GLCCI1: variants seen among roughly 807,000 people sequenced by gnomAD.
The protein encoded by GLCCI1 is glucocorticoid induced 1, also known as glucocorticoid-induced transcript 1 protein.
A neutral mutation model predicts 52.2 loss-of-function variants in GLCCI1; 24 were observed. That is an observed-to-expected ratio of 0.46 (90% CI 0.33 to 0.65). GLCCI1 has a LOEUF of 0.65. Ranked by LOEUF, GLCCI1 falls within the 30% of genes least tolerant of loss-of-function variation. The pLI is 0.02. For synonymous variants in GLCCI1, 310 were observed against 276.5 expected (o/e 1.12, Z -1.20); for missense variants, 704 against 701.5 (o/e 1.00, Z -0.04).
intron 5 of GLCCI1, among the ~76,000 whole-genome samples, chr7:8,065,232 A>G (rs2127962562): frequency 6.6e-6 from 1 of 152,316 alleles, no homozygotes; most frequent in East Asian, 1.9e-4. Context: ...ATATAGAAAC[A>G]CTACTGATTT....
At chr7:8,077,531 A>G (rs1290598443) in intron 6 of GLCCI1, among the ~76,000 whole-genome samples, 1 of 152,188 alleles carries the variant, frequency 6.6e-6, no homozygotes, top group Non-Finnish European at 1.5e-5. Flanking sequence ...TCTGCCACTT[A>G]ATTATGTGCC....
Position 8,003,932 on chromosome 7 carries a change from T to G in GLCCI1, c.482T>G (p.Val161Gly), listed in dbSNP as rs1168040323. ...CRADKAKSQQVRTSSTIRRTS... is the reference protein window; with the variant it reads ...CRADKAKSQQGRTSSTIRRTS... ...GCGGACAAGGCAAAATCTCAGCAAG[T>G]TCGGACCTCTAGTACAATAAGGCGA... The change falls in exon 2 of 8, where the codon GTT (valine) becomes GGT (glycine). Residue 161 changes from valine to glycine, a missense_variant. Transcript: ENST00000223145. The G allele has an allele frequency of 1.1e-5, 18 of 1,612,860 alleles. No homozygotes were observed. The highest frequency in any genetic ancestry group is 1.5e-5 in the Non-Finnish European group (18 of 1,179,286).
At chr7:8,053,584 C>G (rs1278615582) in intron 3 of GLCCI1, among the ~76,000 whole-genome samples, 1 of 151,730 alleles carries the variant, frequency 6.6e-6, no homozygotes, top group Non-Finnish European at 1.5e-5. Context: ...CTCAGCCTCC[C>G]AGAGTGCTGG....
chr7:8,017,558 A>C (rs114397092), intron 2 of GLCCI1, among the ~76,000 whole-genome samples: 4,079 of 152,238 alleles, frequency 0.027, 203 homozygotes, highest in African/African-American at 0.094. Flanking sequence ...ACATGTGATG[A>C]TGCTGCTGCT....
At chr7:8,032,260 G>C (rs751432128) in intron 3 of GLCCI1, among the ~76,000 whole-genome samples, 3 of 152,024 alleles carry the variant, frequency 2.0e-5, no homozygotes, top group African/African-American at 4.8e-5. Flanking sequence ...TGCAGCTAAA[G>C]CAGTGCTTCA....
intron 3 of GLCCI1, among the ~76,000 whole-genome samples, chr7:8,025,494 A>G (rs1651690436): frequency 6.6e-6 from 1 of 152,234 alleles, no homozygotes. Context: ...GAATCAATGA[A>G]TTAGAAGATA....
At chr7:8,022,786 G>T (rs1001571869) in intron 3 of GLCCI1, 1 of 247,664 alleles carries the variant, frequency 4.0e-6, no homozygotes, top group Non-Finnish European at 7.6e-6. Flanking sequence ...ACATTTTGGT[G>T]AACAAGTCTA....
chr7:8,026,518 G>A (rs905329829), intron 3 of GLCCI1, among the ~76,000 whole-genome samples: 2 of 152,252 alleles, frequency 1.3e-5, no homozygotes, highest in East Asian at 1.9e-4. Flanking sequence ...CACCAAAAGA[G>A]GCATTGAGTA....
chr7:8,014,944 C>G lies in GLCCI1; in HGVS notation c.610-7539C>G, dbSNP rs141964284. Among the ~76,000 whole-genome samples the G allele has an allele frequency of 4.1e-3, 618 of 152,182 alleles. 1 individual carries two copies. The highest frequency in any genetic ancestry group is 5.3e-3 in the Non-Finnish European group (360 of 67,986). On this transcript the variant is annotated intron_variant, in intron 2 of 7. Coordinates refer to ENST00000223145, the MANE Select transcript of GLCCI1 (RefSeq NM_138426.4). ...TTAAACTGTGAAACATGAGACATGC[C>G]AAAAGCACATAAAGCAGTTTCTCTT...
intron 2 of GLCCI1, among the ~76,000 whole-genome samples, chr7:8,015,805 G>A (rs1182610017): frequency 6.6e-6 from 1 of 152,158 alleles, no homozygotes; most frequent in African/African-American, 2.4e-5. Context: ...AATACGTTAT[G>A]TGTTCATTTG....
chr7:8,027,896 G>C (rs138218446), intron 3 of GLCCI1, among the ~76,000 whole-genome samples: 2 of 152,148 alleles, frequency 1.3e-5, no homozygotes, highest in African/African-American at 4.8e-5. Flanking sequence ...TGATAAAAGG[G>C]TCAATTCAAC....
chr7:7,992,954 A>G (rs1377734508), intron 1 of GLCCI1, among the ~76,000 whole-genome samples: 1 of 152,014 alleles, frequency 6.6e-6, no homozygotes, highest in East Asian at 1.9e-4. Flanking sequence ...CAAACACATC[A>G]TTTCCGAGTA....
intron 3 of GLCCI1, among the ~76,000 whole-genome samples, chr7:8,043,505 T>C (rs1268233102): frequency 1.3e-5 from 2 of 152,156 alleles, no homozygotes; most frequent in African/African-American, 2.4e-5. Flanking sequence ...TATAGTTTTA[T>C]CAAAATTGCA....
intron 4 of GLCCI1, among the ~76,000 whole-genome samples, chr7:8,058,865 C>T (rs759130619): frequency 6.6e-6 from 1 of 152,108 alleles, no homozygotes; most frequent in Non-Finnish European, 1.5e-5. Context: ...TTGCCGATAA[C>T]GTAAAATAGT....
At chr7:8,003,151 A>G (rs538625874) in intron 1 of GLCCI1, among the ~76,000 whole-genome samples, 1 of 152,154 alleles carries the variant, frequency 6.6e-6, no homozygotes, top group Non-Finnish European at 1.5e-5. Flanking sequence ...TTATGTTGTG[A>G]TGGGAGAGAG....
At chr7:8,077,353 A>C (rs1782896236) in intron 6 of GLCCI1, among the ~76,000 whole-genome samples, 1 of 152,194 alleles carries the variant, frequency 6.6e-6, no homozygotes, top group South Asian at 2.1e-4. Context: ...CCTGAGCCAT[A>C]AGCCTTTAAT....
intron 2 of GLCCI1, among the ~76,000 whole-genome samples, chr7:8,016,183 A>G (rs1479765830): frequency 6.6e-6 from 1 of 152,248 alleles, no homozygotes; most frequent in Non-Finnish European, 1.5e-5. Flanking sequence ...TTAACAGTTA[A>G]GATCGCCCGG....
At chr7:7,996,988 T>C (rs773260353) in intron 1 of GLCCI1, among the ~76,000 whole-genome samples, 1 of 152,248 alleles carries the variant, frequency 6.6e-6, no homozygotes, top group Non-Finnish European at 1.5e-5. Context: ...TTGGTGATTT[T>C]ATTTTACGTG....
Position 8,087,662 on chromosome 7 carries a change from C to G in GLCCI1, c.*1124C>G, listed in dbSNP as rs1197489369. On this transcript the variant is annotated 3_prime_UTR_variant, in exon 8 of 8. Coordinates refer to ENST00000223145, the MANE Select transcript of GLCCI1 (RefSeq NM_138426.4). ...TGACATACTTTTTGTTATTGTCTTC[C>G]TCAAGCAGTTTAGGTGCATGATCTT... The G allele has an allele frequency of 6.6e-6, 1 of 152,466 alleles. No individual in the cohort carries two copies. Among genetic ancestry groups the G allele is most frequent in the Non-Finnish European group, 1.5e-5 (1 of 68,006 alleles). 9.4% of individuals were successfully genotyped at this position (152,466 alleles called of 1,614,324 possible).
Sources: allele counts gnomAD v4.1 joint callset (sites outside exome capture counted in the v4.1 genomes callset), GRCh38; gene constraint gnomAD v4.1.1; transcripts MANE v1.5; gene names NCBI Gene and HGNC (gene_info 2026-07-23, HGNC 2026-07-21).